Variants in XRCC4 observed in about 807,000 individuals in gnomAD.
The protein encoded by XRCC4 is DNA repair protein XRCC4.
Under a neutral mutation model 39.1 loss-of-function variants are expected in XRCC4, and 28 were observed. That is an observed-to-expected ratio of 0.72 (90% confidence interval 0.53 to 0.98). XRCC4 has a LOEUF of 0.98. Among genes scored for constraint, XRCC4 ranks in the 50% least tolerant of loss-of-function variants. The probability of loss-of-function intolerance (pLI) is 0.00; values close to 1 mark genes in which losing one functional copy is unlikely to be tolerated. For synonymous variants in XRCC4, 123 were observed against 126.4 expected (o/e 0.97, Z 0.18); for missense variants, 350 against 376.4 (o/e 0.93, Z 0.58).
intron 3 of XRCC4, among the ~76,000 whole-genome samples, chr5:83,183,634 TTTTG>T (rs553137066): frequency 2.6e-5 from 4 of 152,140 alleles, no homozygotes; most frequent in African/African-American, 7.2e-5. Flanking sequence ...TGCTGTTGAT[TTTTG>T]TTTGTTTGTT....
the XRCC4 span, among the ~76,000 whole-genome samples, chr5:83,367,846 G>T: frequency 6.6e-6 from 1 of 151,558 alleles, no homozygotes; most frequent in East Asian, 1.9e-4. Flanking sequence ...ACCCACCTCG[G>T]CCTCCCAAAG....
rs370677246 is a variant in XRCC4, at chr5:83,339,330, CAT to C, written c.894-13800_894-13799del. Among the ~76,000 whole-genome samples, 70 of 152,188 alleles carry C rather than the reference CAT, an allele frequency of 4.6e-4. 1 individual carries two copies. Among genetic ancestry groups the C allele is most frequent in the South Asian group, 1.7e-3 (8 of 4,820 alleles). On this transcript the variant is annotated intron_variant, in intron 7 of 7. Coordinates refer to ENST00000396027, the MANE Select transcript of XRCC4 (RefSeq NM_003401.5). ...TTTATAGACCCACTTTTCATTCACA[CAT>C]GAGTCTTCTTTAAAAATTCAAGCTG...
At chr5:83,289,619 A>G (rs1321526426) in intron 7 of XRCC4, among the ~76,000 whole-genome samples, 1 of 151,814 alleles carries the variant, frequency 6.6e-6, no homozygotes, top group Non-Finnish European at 1.5e-5. Flanking sequence ...ATGTGGGAGA[A>G]AAGCATTCTT....
At chr5:83,235,334 C>CAAAAA (rs57372204) in intron 6 of XRCC4, among the ~76,000 whole-genome samples, 12 of 58,422 alleles carry the variant, frequency 2.1e-4, no homozygotes, top group South Asian at 6.0e-4. Flanking sequence ...GACCCTATCT[C>CAAAAA]AAAAAAAAAA....
At chr5:83,285,455 G>A (rs573404466) in intron 7 of XRCC4, among the ~76,000 whole-genome samples, 1 of 152,214 alleles carries the variant, frequency 6.6e-6, no homozygotes, top group South Asian at 2.1e-4. Flanking sequence ...AGGAAGGAGT[G>A]GGAATGGATA....
chr5:83,267,696 C>T (rs141569139), intron 7 of XRCC4, among the ~76,000 whole-genome samples: 6 of 152,150 alleles, frequency 3.9e-5, no homozygotes, highest in African/African-American at 7.2e-5. Context: ...TCTGGACTGT[C>T]GTGTGAGAAA....
chr5:83,079,016 C>T (rs912967827), intron 1 of XRCC4, among the ~76,000 whole-genome samples: 14 of 152,036 alleles, frequency 9.2e-5, no homozygotes, highest in Admixed American at 9.2e-4. Flanking sequence ...ACATAACTGC[C>T]CTTGGTTTCA....
chr5:83,285,022 T>C (rs991168217), intron 7 of XRCC4, among the ~76,000 whole-genome samples: 2 of 152,108 alleles, frequency 1.3e-5, no homozygotes, highest in Non-Finnish European at 2.9e-5. Flanking sequence ...AGTGACAGAC[T>C]CAAAATTTCA....
chr5:83,101,903 TACAA>T (rs1485030854), intron 1 of XRCC4, among the ~76,000 whole-genome samples: 23 of 148,124 alleles, frequency 1.6e-4, no homozygotes, highest in East Asian at 7.8e-4. Flanking sequence ...CAACAAAAAT[TACAA>T]ACAAAGGATA....
the XRCC4 span, among the ~76,000 whole-genome samples, chr5:83,370,598 C>A: frequency 7.9e-5 from 12 of 152,118 alleles, no homozygotes; most frequent in African/African-American, 2.7e-4. Context: ...TCCCTTCCAC[C>A]TTTAGCCTAC....
At chr5:83,257,073 A>C (rs1753569914) in intron 6 of XRCC4, among the ~76,000 whole-genome samples, 1 of 152,168 alleles carries the variant, frequency 6.6e-6, no homozygotes, top group African/African-American at 2.4e-5. Context: ...AACAGTGTCC[A>C]AGTTGTCTCG....
intron 7 of XRCC4, among the ~76,000 whole-genome samples, chr5:83,351,728 G>C (rs957612856): frequency 5.9e-5 from 9 of 152,142 alleles, no homozygotes; most frequent in Non-Finnish European, 1.3e-4. Flanking sequence ...GATGTTGTCT[G>C]AAATTGGCTT....
chr5:83,294,430 T>C (rs773531938), intron 7 of XRCC4, among the ~76,000 whole-genome samples: 20 of 152,212 alleles, frequency 1.3e-4, no homozygotes, highest in Admixed American at 6.6e-4. Flanking sequence ...ACTTTAGCTG[T>C]ATTGTGCTCT....
At chr5:83,138,873 T>A (rs1341295583) in intron 3 of XRCC4, among the ~76,000 whole-genome samples, 1 of 152,126 alleles carries the variant, frequency 6.6e-6, no homozygotes, top group African/African-American at 2.4e-5. Flanking sequence ...TAGTTCTTGG[T>A]CATTTATGTG....
chr5:83,205,853 A>T (rs1751399774), intron 6 of XRCC4, among the ~76,000 whole-genome samples: 1 of 151,082 alleles, frequency 6.6e-6, no homozygotes. Flanking sequence ...AGACTATCAG[A>T]AAAGGCCTCA....
At chr5:83,242,161 A>G (rs1561427045) in intron 6 of XRCC4, among the ~76,000 whole-genome samples, 2 of 114,766 alleles carry the variant, frequency 1.7e-5, no homozygotes, top group East Asian at 3.9e-4. Flanking sequence ...TCGTATACAC[A>G]TTGTGTGTGT....
At chr5:83,193,278 A>C (rs1289452301) in intron 3 of XRCC4, among the ~76,000 whole-genome samples, 1 of 152,224 alleles carries the variant, frequency 6.6e-6, no homozygotes, top group Non-Finnish European at 1.5e-5. Context: ...AGAATTAAAA[A>C]AAAAAATTAA....
intron 4 of XRCC4, 58 bp downstream of exon 4, chr5:83,195,994 G>T: frequency 6.9e-7 from 1 of 1,454,986 alleles, no homozygotes; most frequent in South Asian, 1.6e-5. Context: ...TGTTGTTATA[G>T]CTTTAAGTTA....
chr5:83,098,842 T>G (rs562437886), intron 1 of XRCC4, among the ~76,000 whole-genome samples: 1 of 151,712 alleles, frequency 6.6e-6, no homozygotes, highest in East Asian at 1.9e-4. Context: ...TAAAAAATAC[T>G]AAACAAGAAA....
Sources: allele counts gnomAD v4.1 joint callset (sites outside exome capture counted in the v4.1 genomes callset), GRCh38; gene constraint gnomAD v4.1.1; transcripts MANE v1.5; gene names NCBI Gene and HGNC (gene_info 2026-07-23, HGNC 2026-07-21).